Variants in CDH11 observed in about 807,000 individuals in gnomAD.
CDH11 encodes the protein cadherin 11.
In CDH11, 11 loss-of-function variants were observed where a neutral mutation model predicts 67.8. That is an observed-to-expected ratio of 0.16 (90% confidence interval 0.10 to 0.27). The LOEUF (loss-of-function observed/expected upper bound fraction) is 0.27. Among genes scored for constraint, CDH11 ranks in the 10% least tolerant of loss-of-function variants. The pLI, the probability that CDH11 is intolerant of heterozygous loss-of-function variation, is 1.00. For missense variants in CDH11, 847 were observed against 1,031.2 expected, an observed-to-expected ratio of 0.82 and a Z score of 2.45; for synonymous variants, 419 against 400.0, an observed-to-expected ratio of 1.05 and a Z score of -0.57.
Position 64,971,623 on chromosome 16 carries a change from G to A in CDH11, c.1598C>T (p.Pro533Leu). ...NGPRFIFSLP[P>L]EIIHNPNFTV... ...GAAATTTGGATTGTGAATGATTTCAGGGGGTAGGCTGAAGATAAATCTTGG... is the reference window on the plus strand; with the variant it reads ...GAAATTTGGATTGTGAATGATTTCAAGGGGTAGGCTGAAGATAAATCTTGG... The change falls in exon 11 of 13, where the codon CCT becomes CTT. Residue 533 changes from proline (P) to leucine (L), a missense_variant. Transcript: ENST00000268603. The A allele has an allele frequency of 6.2e-7, 1 of 1,613,598 alleles. No individual in the cohort carries two copies. The highest frequency in any genetic ancestry group is 8.5e-7 in the Non-Finnish European group (1 of 1,179,734).
rs571535512 is a variant in CDH11, at chr16:65,086,567, T to G, written c.-297-32639A>C. Among the ~76,000 whole-genome samples, 8 of 152,306 alleles carry G rather than the reference T, an allele frequency of 5.3e-5. No homozygotes were observed. In the South Asian group the frequency reaches 1.5e-3, roughly 28 times the overall value. On this transcript the variant is annotated intron_variant, in intron 1 of 12. Coordinates refer to ENST00000268603, the MANE Select transcript of CDH11 (RefSeq NM_001797.4). ...AGCTGTTATGATGTACAGAATGAGA[T>G]AGCATGGGTGAAAGCTCTCCGAAAA...
At position 65,121,066 on chromosome 16, in the gene CDH11, A is replaced by G. The variant is rs1453713925; in HGVS notation, c.-298+814T>C. ...CTTGGCGCGCTCCGAGAAGCGGCGC[A>G]GGTTTCGGGAAGGTGTGGTTCTCAA... On this transcript the variant is annotated intron_variant, in intron 1 of 12. Coordinates refer to ENST00000268603, the MANE Select transcript of CDH11 (RefSeq NM_001797.4). This position sits in a 1 kb window ranked among gnomAD's most constrained non-coding sequence, Gnocchi z 4.1. Among the ~76,000 whole-genome samples the G allele has an allele frequency of 3.3e-5, 5 of 152,050 alleles. No homozygotes were observed. The highest frequency in any genetic ancestry group is 1.2e-4 in the African/African-American group (5 of 41,440).
Position 64,945,254 on chromosome 16 carries a change from C to A in CDH11, c.*2349G>T, listed in dbSNP as rs1424444569. Reference sequence around the variant, plus strand: ...GGAAAGACATTTTATTTCCAAGTTTCTAAGAGTGTTCTACAAACAATAGAG... The same window carrying A: ...GGAAAGACATTTTATTTCCAAGTTTATAAGAGTGTTCTACAAACAATAGAG... On this transcript the variant is annotated 3_prime_UTR_variant, in exon 13 of 13. Transcript: ENST00000268603. 2.0e-5 allele frequency: 6 copies of A among 296,792 alleles called. No homozygotes were observed. The highest frequency in any genetic ancestry group is 2.6e-5 in the Non-Finnish European group (5 of 195,486). 18.4% of individuals were successfully genotyped at this position (296,792 alleles called of 1,614,324 possible). A position where few individuals can be genotyped will look rare whatever the true frequency, so the allele number is the denominator to read the frequency against.
At chr16:65,059,467 G>A (rs994338838) in intron 1 of CDH11, 1 of 152,178 alleles carries the variant, frequency 6.6e-6, no homozygotes, top group Non-Finnish European at 1.5e-5. Flanking sequence ...TTTCCAAAGC[G>A]CCGATGGACG....
At chr16:64,956,544 T>C (rs1483288942) in intron 11 of CDH11, among the ~76,000 whole-genome samples, 1 of 152,228 alleles carries the variant, frequency 6.6e-6, no homozygotes, top group Non-Finnish European at 1.5e-5. Flanking sequence ...TTCAAGCATC[T>C]TGGTTTTTGA....
intron 2 of CDH11, among the ~76,000 whole-genome samples, chr16:65,037,878 G>A (rs185120362): frequency 4.6e-5 from 7 of 152,240 alleles, no homozygotes; most frequent in Non-Finnish European, 8.8e-5. Flanking sequence ...GATAAAAGAT[G>A]AGAAGCCAGG....
At chr16:65,088,612 T>C (rs1489767194) in intron 1 of CDH11, among the ~76,000 whole-genome samples, 1 of 152,226 alleles carries the variant, frequency 6.6e-6, no homozygotes, top group African/African-American at 2.4e-5. Context: ...TAAGGGGTAA[T>C]CATTTAGCAC....
chr16:65,068,362 G>A (rs2142759889), intron 1 of CDH11, among the ~76,000 whole-genome samples: 1 of 139,720 alleles, frequency 7.2e-6, no homozygotes, highest in African/African-American at 2.6e-5. Flanking sequence ...TCCAGAGGAG[G>A]CAGGTGGGTG....
intron 1 of CDH11, among the ~76,000 whole-genome samples, chr16:65,074,011 C>T (rs1321641505): frequency 1.3e-5 from 2 of 152,164 alleles, no homozygotes; most frequent in East Asian, 3.9e-4. Flanking sequence ...TTATTCATGG[C>T]TGTTGCTAAA....
chr16:65,009,495 A>T (rs2073131909), intron 2 of CDH11, among the ~76,000 whole-genome samples: 1 of 151,500 alleles, frequency 6.6e-6, no homozygotes, highest in African/African-American at 2.4e-5. Flanking sequence ...TTGTTTTATG[A>T]AATATTTCTA....
intron 3 of CDH11, among the ~76,000 whole-genome samples, chr16:65,000,327 T>C (rs1356977129): frequency 6.6e-6 from 1 of 152,202 alleles, no homozygotes; most frequent in African/African-American, 2.4e-5. Context: ...TCTGCAGCTG[T>C]CTTTTAATCC....
intron 4 of CDH11, among the ~76,000 whole-genome samples, chr16:64,994,479 T>A (rs1305889531): frequency 6.6e-6 from 1 of 152,194 alleles, no homozygotes; most frequent in Non-Finnish European, 1.5e-5. Context: ...TAAGGCTGAT[T>A]AGGAGTACAG....
intron 1 of CDH11, among the ~76,000 whole-genome samples, chr16:65,085,759 T>C (rs1401070169): frequency 6.6e-6 from 1 of 152,230 alleles, no homozygotes; most frequent in Admixed American, 6.5e-5. Context: ...TGTGGTTACG[T>C]GCCTTATAAC....
intron 1 of CDH11, among the ~76,000 whole-genome samples, chr16:65,062,810 T>C (rs542711017): frequency 4.7e-4 from 72 of 152,332 alleles, no homozygotes; most frequent in African/African-American, 1.5e-3. Flanking sequence ...ATCTGAGCCC[T>C]GGACATAGTG....
At chr16:65,027,663 C>T (rs2073561268) in intron 2 of CDH11, among the ~76,000 whole-genome samples, 1 of 152,180 alleles carries the variant, frequency 6.6e-6, no homozygotes, top group Non-Finnish European at 1.5e-5. Flanking sequence ...GAAAGGCTTG[C>T]CCTTGTATCT....
At chr16:64,986,555 T>C (rs919617672) in intron 7 of CDH11, 1 of 151,828 alleles carries the variant, frequency 6.6e-6, no homozygotes, top group African/African-American at 2.4e-5. Context: ...AATGTTCATA[T>C]GTCAGTGTCA....
chr16:65,062,825 C>T (rs1436863299), intron 1 of CDH11, among the ~76,000 whole-genome samples: 1 of 152,198 alleles, frequency 6.6e-6, no homozygotes, highest in Admixed American at 6.5e-5. Flanking sequence ...ATAGTGGTCT[C>T]ACCTATTTAC....
chr16:65,009,164 A>G (rs1369236721), intron 2 of CDH11, among the ~76,000 whole-genome samples: 1 of 152,162 alleles, frequency 6.6e-6, no homozygotes, highest in East Asian at 1.9e-4. Context: ...GCACACTAAT[A>G]CAAATACACA....
chr16:64,965,375 C>T (rs2071789265), intron 11 of CDH11, among the ~76,000 whole-genome samples: 1 of 151,978 alleles, frequency 6.6e-6, no homozygotes, highest in Non-Finnish European at 1.5e-5. Flanking sequence ...GAGCAAGACT[C>T]CATCTCGAAA....
Sources: gnomAD v4.1 joint callset for allele counts (sites outside exome capture counted in the v4.1 genomes callset) on GRCh38, gnomAD v4.1.1 for gene constraint, Gnocchi (gnomAD v3.1) non-coding constraint, MANE v1.5 for transcripts, NCBI Gene and HGNC (gene_info 2026-07-23, HGNC 2026-07-21) for gene names.